Variants in ELK3 observed in about 807,000 individuals in gnomAD.
ELK3 encodes the protein ETS domain-containing protein Elk-3.
ELK3 carries 10 observed loss-of-function variants against 28.9 expected under a neutral mutation model. That is an observed-to-expected ratio of 0.35 (90% confidence interval 0.21 to 0.59). The LOEUF (loss-of-function observed/expected upper bound fraction) is 0.59. Ranked by LOEUF, ELK3 falls within the 20% of genes least tolerant of loss-of-function variation. The pLI is 0.82. For missense variants in ELK3, 463 were observed against 517.3 expected, an observed-to-expected ratio of 0.90 and a Z score of 1.02; for synonymous variants, 272 against 243.5, an observed-to-expected ratio of 1.12 and a Z score of -1.09.
intron 2 of ELK3, among the ~76,000 whole-genome samples, chr12:96,236,106 G>A (rs1210410648): frequency 6.6e-6 from 1 of 152,178 alleles, no homozygotes; most frequent in Non-Finnish European, 1.5e-5. Context: ...GATTACAGGT[G>A]TAAGCCACCA....
At chr12:96,239,611 G>A (rs1412507372) in intron 2 of ELK3, among the ~76,000 whole-genome samples, 1 of 152,084 alleles carries the variant, frequency 6.6e-6, no homozygotes, top group Non-Finnish European at 1.5e-5. Context: ...TTTCACGTAG[G>A]GTATCTACCA....
chr12:96,217,655 G>C (rs1445934197), intron 1 of ELK3, among the ~76,000 whole-genome samples: 2 of 152,094 alleles, frequency 1.3e-5, no homozygotes, highest in Non-Finnish European at 2.9e-5. Context: ...CAATTCCTCA[G>C]CTGGGCACAG....
chr12:96,228,416 C>CAAAAAAAAAAAAAA (rs71091236), intron 2 of ELK3, among the ~76,000 whole-genome samples: 29 of 68,318 alleles, frequency 4.2e-4, no homozygotes, highest in East Asian at 3.2e-3. Context: ...GACTCTGTGT[C>CAAAAAAAAAAAAAA]AAAAAAAAAA....
Position 96,267,308 on chromosome 12 carries a change from TG to T in ELK3, c.*130del, listed in dbSNP as rs200112773. 5.7e-6 allele frequency: 4 copies of T among 701,378 alleles called. No individual in the cohort carries two copies. In the Admixed American group the frequency reaches 1.3e-4, roughly 22 times the overall value. The allele number at this position is 701,378 out of a possible 1,614,324, so 43.4% of individuals were successfully genotyped here. ...AATTTGGTTTGCACTTTTCATAACA[TG>T]GATAGTCTAGATTTATGTTAGCATT... On this transcript the variant is annotated 3_prime_UTR_variant, in exon 5 of 5. Transcript: ENST00000228741.
rs140509497 is a variant in ELK3, at chr12:96,247,305, C to T, written c.573C>T (p.Asp191=). 293 of 1,614,276 alleles carry T rather than the reference C, an allele frequency of 1.8e-4. No homozygotes were observed. Among genetic ancestry groups the T allele is most frequent in the Admixed American group, 2.8e-4 (17 of 60,036 alleles). Residue 191 remains aspartate, a synonymous_variant, in exon 3 of 5, where the codon GAC becomes GAT. Coordinates refer to ENST00000228741, the MANE Select transcript of ELK3 (RefSeq NM_005230.4). This position sits in a 1 kb window ranked among gnomAD's most constrained non-coding sequence, Gnocchi z 5.5. ...TVIRFVTNKT[D]KHVTRPVVSL... ...TCAGGTTTGTGACCAATAAAACCGA[C>T]AAGCACGTCACCAGGCCGGTGGTGT... is the stretch of plus-strand genomic sequence containing the variant.
At chr12:96,229,348 G>A (rs1314972179) in intron 2 of ELK3, among the ~76,000 whole-genome samples, 1 of 152,100 alleles carries the variant, frequency 6.6e-6, no homozygotes, top group Non-Finnish European at 1.5e-5. Flanking sequence ...GATGTCCAGA[G>A]CCAGGGTGTC....
chr12:96,251,010 G>A (rs559650242), intron 3 of ELK3, among the ~76,000 whole-genome samples: 45 of 152,198 alleles, frequency 3.0e-4, no homozygotes, highest in African/African-American at 1.0e-3. Flanking sequence ...GCTTTATTAC[G>A]TTTCACAATT....
chr12:96,226,224 AG>A (rs1951698404), intron 2 of ELK3, among the ~76,000 whole-genome samples: 1 of 152,220 alleles, frequency 6.6e-6, no homozygotes, highest in Admixed American at 6.5e-5. Context: ...TCAGGAGTCC[AG>A]GTGGCTGGTG....
intron 1 of ELK3, among the ~76,000 whole-genome samples, chr12:96,220,535 G>A (rs1250723733): frequency 6.6e-6 from 1 of 151,858 alleles, no homozygotes; most frequent in Non-Finnish European, 1.5e-5. Context: ...TTATAAGCGC[G>A]GGCCACCACG....
intron 2 of ELK3, among the ~76,000 whole-genome samples, chr12:96,236,057 C>T (rs1177689432): frequency 1.3e-5 from 2 of 152,110 alleles, no homozygotes; most frequent in Non-Finnish European, 2.9e-5. Context: ...AACTTCTGAC[C>T]TCAGTTGAAC....
intron 3 of ELK3, among the ~76,000 whole-genome samples, chr12:96,248,855 C>T (rs1196833194): frequency 1.3e-5 from 2 of 152,212 alleles, no homozygotes; most frequent in Non-Finnish European, 2.9e-5. Flanking sequence ...GTTGAGCATC[C>T]TGTTTCCAAA....
rs71091236 is a variant in ELK3, at chr12:96,228,416, C to CAAAAAAA, written c.207+4665_207+4671dup. Reference sequence around the variant, plus strand: ...CTGGCGACAGAGTGAGACTCTGTGTCAAAAAAAAAAAAAAAAAAAAAAAAA... The same window carrying CAAAAAAA: ...CTGGCGACAGAGTGAGACTCTGTGTCAAAAAAAAAAAAAAAAAAAAAAAAAAAAAAAA... On this transcript the variant is annotated intron_variant, in intron 2 of 4. Transcript: ENST00000228741. Among the ~76,000 whole-genome samples the CAAAAAAA allele has an allele frequency of 1.1e-3, 77 of 68,294 alleles. 1 individual carries two copies. The highest frequency in any genetic ancestry group is 2.7e-3 in the South Asian group (6 of 2,182). 44.8% of individuals were successfully genotyped at this position (68,294 alleles called of 152,430 possible).
chr12:96,223,457 G>A, intron 1 of ELK3, 108 bp from the exon 2 acceptor site: 1 of 1,019,526 alleles, frequency 9.8e-7, no homozygotes, highest in Non-Finnish European at 1.5e-6. Context: ...AGGTTCACTG[G>A]GGGAAGGAGG....
chr12:96,255,129 C>G (rs1010884909), intron 3 of ELK3, among the ~76,000 whole-genome samples: 10 of 152,052 alleles, frequency 6.6e-5, no homozygotes, highest in African/African-American at 2.4e-4. Context: ...AGGGATGGAT[C>G]TGATGTTGGG....
intron 1 of ELK3, among the ~76,000 whole-genome samples, chr12:96,199,324 A>G (rs1007922626): frequency 1.3e-5 from 2 of 152,100 alleles, no homozygotes; most frequent in Non-Finnish European, 2.9e-5. Context: ...CCAAACTTTG[A>G]AGTTGGTGTT....
chr12:96,223,543 A>T, intron 1 of ELK3, 22 bp from the exon 2 acceptor site: 1 of 1,613,252 alleles, frequency 6.2e-7, no homozygotes, highest in Middle Eastern at 1.7e-4. Flanking sequence ...AGCAGCTCTG[A>T]CCTGGCCTCC....
chr12:96,239,204 A>T (rs1382390952), intron 2 of ELK3, among the ~76,000 whole-genome samples: 2 of 152,164 alleles, frequency 1.3e-5, no homozygotes, highest in African/African-American at 4.8e-5. Flanking sequence ...CTCTTTTAAG[A>T]TTAATTTTTC....
intron 2 of ELK3, among the ~76,000 whole-genome samples, chr12:96,226,440 GCACA>G (rs148595418): frequency 2.0e-5 from 3 of 151,840 alleles, no homozygotes; most frequent in Non-Finnish European, 4.4e-5. Context: ...CTGTCCACAT[GCACA>G]CACACACACA....
intron 1 of ELK3, among the ~76,000 whole-genome samples, chr12:96,222,158 A>G (rs2137013648): frequency 6.6e-6 from 1 of 152,246 alleles, no homozygotes; most frequent in East Asian, 1.9e-4. Flanking sequence ...GATAACACAA[A>G]TGGATTATTA....
Sources: gnomAD v4.1 joint callset for allele counts (sites outside exome capture counted in the v4.1 genomes callset) on GRCh38, gnomAD v4.1.1 for gene constraint, Gnocchi (gnomAD v3.1) non-coding constraint, MANE v1.5 for transcripts, NCBI Gene and HGNC (gene_info 2026-07-23, HGNC 2026-07-21) for gene names.